Variants in ADGRB1 observed in about 807,000 individuals in gnomAD.
ADGRB1 encodes brain-specific angiogenesis inhibitor 1.
Under a neutral mutation model 175.7 loss-of-function variants are expected in ADGRB1, and 36 were observed. The observed-to-expected ratio is 0.20, with a 90% CI of 0.16 to 0.27. ADGRB1 has a LOEUF of 0.27. Ranked by LOEUF, ADGRB1 falls within the 10% of genes least tolerant of loss-of-function variation. The pLI is 1.00. For synonymous variants in ADGRB1, 1,054 were observed against 979.4 expected, an observed-to-expected ratio of 1.08 and a Z score of -1.42; for missense variants, 1,731 against 2,255.3, an observed-to-expected ratio of 0.77 and a Z score of 4.71.
At chr8:142,467,398 G>C (rs1210639083) in intron 2 of ADGRB1, among the ~76,000 whole-genome samples, 3 of 152,218 alleles carry the variant, frequency 2.0e-5, no homozygotes, top group African/African-American at 7.2e-5. Context: ...GGGAAGAGGA[G>C]GGCCTTGGGG....
At chr8:142,528,794 C>G (rs1177225947) in intron 24 of ADGRB1, among the ~76,000 whole-genome samples, 1 of 152,262 alleles carries the variant, frequency 6.6e-6, no homozygotes, top group East Asian at 1.9e-4. Context: ...CCCCGATCCA[C>G]TGCCCTCAGC....
At chr8:142,500,194 G>A (rs1174754501) in intron 17 of ADGRB1, among the ~76,000 whole-genome samples, 4 of 134,976 alleles carry the variant, frequency 3.0e-5, no homozygotes, top group South Asian at 2.3e-4. Flanking sequence ...TTTCGCCCCC[G>A]CCCCACACCG....
chr8:142,454,207 C>T (rs1266459205), intron 1 of ADGRB1, among the ~76,000 whole-genome samples: 1 of 152,162 alleles, frequency 6.6e-6, no homozygotes, highest in African/African-American at 2.4e-5. Context: ...CCCACAGCTG[C>T]ACTGCACAAG....
Position 142,455,092 on chromosome 8 carries a change from C to A in ADGRB1, c.-220+4988C>A, listed in dbSNP as rs1839586220. 6.6e-6 allele frequency among the ~76,000 whole-genome samples: 1 copy of A among 150,704 alleles called. No homozygotes were observed. The highest frequency in any genetic ancestry group is 2.1e-4 in the South Asian group (1 of 4,694). ...TGACACCAGCACCCTCACTGCCCCC[C>A]TACCATCTCACCCCACCCCATCACC... On this transcript the variant is annotated intron_variant, in intron 1 of 30. Transcript: ENST00000517894. The surrounding 1 kb of genome is among the most constrained non-coding windows in gnomAD (Gnocchi z 4.9).
rs1203849692 is a variant in ADGRB1, at chr8:142,489,209, G to A, written c.2528+99G>A. On this transcript the variant is annotated intron_variant, in intron 15 of 30. Coordinates refer to ENST00000517894, the MANE Select transcript of ADGRB1 (RefSeq NM_001702.3). ...GAAGGGGGAGGCCAGGGGGCCTGGA[G>A]GAGTGTGGATGATGGGCTGTGGAGG... The A allele has an allele frequency of 3.2e-6, 5 of 1,546,744 alleles. No individual in the cohort carries two copies. In the Admixed American group the frequency reaches 7.2e-5, roughly 22 times the overall value.
intron 27 of ADGRB1, chr8:142,540,041 G>A (rs532785659): frequency 6.2e-4 from 96 of 153,642 alleles, no homozygotes; most frequent in Non-Finnish European, 9.6e-4. Flanking sequence ...ATCAGACTGC[G>A]AGGGTCTGTT....
intron 17 of ADGRB1, among the ~76,000 whole-genome samples, chr8:142,509,880 C>T (rs1160285711): frequency 6.6e-6 from 1 of 152,202 alleles, no homozygotes; most frequent in Non-Finnish European, 1.5e-5. Flanking sequence ...AGGCCCAGGA[C>T]CTTGGGTGGG....
intron 24 of ADGRB1, among the ~76,000 whole-genome samples, chr8:142,528,717 T>C (rs916377737): frequency 1.3e-5 from 2 of 151,984 alleles, no homozygotes; most frequent in Non-Finnish European, 1.5e-5. Context: ...CTTCTGTTTG[T>C]TTTATGTTTA....
intron 13 of ADGRB1, among the ~76,000 whole-genome samples, chr8:142,486,195 C>T (rs543467503): frequency 6.6e-6 from 1 of 152,176 alleles, no homozygotes; most frequent in Non-Finnish European, 1.5e-5. Context: ...CTGCCCAGGC[C>T]CCCACCCCTA....
At chr8:142,526,157 C>T (rs1387363959) in intron 23 of ADGRB1, among the ~76,000 whole-genome samples, 15 of 152,102 alleles carry the variant, frequency 9.9e-5, no homozygotes, top group Admixed American at 7.9e-4. Context: ...GAGGAGGTGG[C>T]CTGCCCAGAG....
rs1033504860 is a variant in ADGRB1 at position 142,464,258 on chromosome 8, G to C, written c.60G>C (p.Leu20=). Residue 20 remains leucine (L), a synonymous_variant, in exon 2 of 31, where the codon CTG becomes CTC. Coordinates refer to ENST00000517894, the MANE Select transcript of ADGRB1 (RefSeq NM_001702.3). ...PVWILAPLLL[L]LLLLGRRARA... ...GGATCCTCGCCCCGCTGCTACTGCTGCTGCTGCTGCTGGGACGCCGCGCGC... is the reference window on the plus strand; with the variant it reads ...GGATCCTCGCCCCGCTGCTACTGCTCCTGCTGCTGCTGGGACGCCGCGCGC... 1.5e-6 allele frequency: 2 copies of C among 1,350,738 alleles called. No homozygotes were observed. Among genetic ancestry groups the C allele is most frequent in the African/African-American group, 3.1e-5 (2 of 64,984 alleles). 83.7% of individuals were successfully genotyped at this position (1,350,738 alleles called of 1,614,324 possible). A position where few individuals can be genotyped will look rare whatever the true frequency, so the allele number is the denominator to read the frequency against.
At chr8:142,456,166 T>A (rs1460725048) in intron 1 of ADGRB1, among the ~76,000 whole-genome samples, 1 of 152,026 alleles carries the variant, frequency 6.6e-6, no homozygotes, top group African/African-American at 2.4e-5. Context: ...AGAGAGCCTG[T>A]CCCTGTGCCC....
rs1191134207 is a variant in ADGRB1 at position 142,510,953 on chromosome 8, G to A, written c.2697G>A (p.Pro899=). Residue 899 remains proline, a synonymous_variant, in exon 18 of 31, where the codon CCG becomes CCA. Transcript: ENST00000517894. This position sits in a 1 kb window ranked among gnomAD's most constrained non-coding sequence, Gnocchi z 6.3. ...ETDVPSSSAP[P]QLGPWSWRGC... is the part of the protein sequence containing the mutation. Reference sequence around the variant, plus strand: ...CCAGACCCTCCTCCTCCGCCCCCCCGCAGCTCGGGCCCTGGTCGTGGCGCG... The same window carrying A: ...CCAGACCCTCCTCCTCCGCCCCCCCACAGCTCGGGCCCTGGTCGTGGCGCG... 8.4e-6 allele frequency: 8 copies of A among 952,658 alleles called. No homozygotes were observed. The highest frequency in any genetic ancestry group is 5.4e-5 in the South Asian group (3 of 55,330). The allele number at this position is 952,658 out of a possible 1,614,324, so 59.0% of individuals were successfully genotyped here.
At chr8:142,482,313 C>T (rs1221659584) in intron 11 of ADGRB1, among the ~76,000 whole-genome samples, 1 of 146,684 alleles carries the variant, frequency 6.8e-6, no homozygotes, top group Non-Finnish European at 1.5e-5. Flanking sequence ...GAGCCCTGAT[C>T]CTGGTCACAT....
chr8:142,471,889 G>A (rs1200362189), intron 2 of ADGRB1, among the ~76,000 whole-genome samples: 3 of 152,230 alleles, frequency 2.0e-5, no homozygotes, highest in Non-Finnish European at 2.9e-5. Flanking sequence ...CGTCCGTGCA[G>A]GGGGCCCTGG....
At position 142,455,151 on chromosome 8, in the gene ADGRB1, G is replaced by A. The variant is rs182569733; in HGVS notation, c.-220+5047G>A. 2.6e-4 allele frequency among the ~76,000 whole-genome samples: 24 copies of A among 92,432 alleles called. No homozygotes were observed. The East Asian group carries it at 4.3e-3, about 17-fold the overall frequency. 60.6% of individuals were successfully genotyped at this position (92,432 alleles called of 152,430 possible). On this transcript the variant is annotated intron_variant, in intron 1 of 30. Coordinates refer to ENST00000517894, the MANE Select transcript of ADGRB1 (RefSeq NM_001702.3). The surrounding 1 kb of genome is among the most constrained non-coding windows in gnomAD (Gnocchi z 4.9). ...CATTGCCCCCGAGGCTACCTCAGCC[G>A]CACCCTGCCGCCGGCACCACACTGC... is the stretch of plus-strand genomic sequence containing the variant.
chr8:142,482,785 C>T (rs1472050272), intron 11 of ADGRB1, among the ~76,000 whole-genome samples: 7 of 145,600 alleles, frequency 4.8e-5, no homozygotes, highest in African/African-American at 1.0e-4. Context: ...CCTGGTCACA[C>T]GCTGAGCTCT....
intron 17 of ADGRB1, among the ~76,000 whole-genome samples, chr8:142,500,145 C>G (rs368648821): frequency 6.6e-6 from 1 of 152,116 alleles, no homozygotes; most frequent in South Asian, 2.1e-4. Context: ...TGCCGTCCGG[C>G]GCTGCCTGGG....
At chr8:142,477,080 C>A in intron 4 of ADGRB1, 34 bp from the exon 5 acceptor site, 1 of 1,500,478 alleles carries the variant, frequency 6.7e-7, no homozygotes, top group East Asian at 2.4e-5. Flanking sequence ...GCCCCATGGG[C>A]GGCAGGCCTG....
Sources: gnomAD v4.1 joint callset for allele counts (sites outside exome capture counted in the v4.1 genomes callset) on GRCh38, gnomAD v4.1.1 for gene constraint, Gnocchi (gnomAD v3.1) non-coding constraint, MANE v1.5 for transcripts, NCBI Gene and HGNC (gene_info 2026-07-23, HGNC 2026-07-21) for gene names.